The following CIB1 variants were observed in gnomAD, a reference collection of about 807,000 sequenced individuals.
The protein encoded by CIB1 is calcium and integrin-binding protein 1.
Under a neutral mutation model 25.0 loss-of-function variants are expected in CIB1, and 19 were observed. That is an observed-to-expected ratio of 0.76 (90% CI 0.53 to 1.12). The LOEUF is 1.12. CIB1 is among the 50% of genes most tolerant of loss of function. The pLI is 0.00. For missense variants in CIB1, 236 were observed against 242.6 expected (o/e 0.97, Z 0.18); for synonymous variants, 104 against 98.5 (o/e 1.06, Z -0.33).
At chr15:90,262,222 C>A in the CIB1 span, 1 of 1,494,330 alleles carries the variant, frequency 6.7e-7, no homozygotes, top group Non-Finnish European at 8.9e-7. Flanking sequence ...CTCTGCACAC[C>A]TAGGTGGGGA....
the CIB1 span, among the ~76,000 whole-genome samples, chr15:90,252,043 CTTT>C: frequency 7.5e-6 from 1 of 133,466 alleles, no homozygotes; most frequent in African/African-American, 2.7e-5. Context: ...TCACCTAATT[CTTT>C]TTTTTTTTTT....
At chr15:90,262,044 A>C in the CIB1 span, 24 of 1,535,854 alleles carry the variant, frequency 1.6e-5, no homozygotes, top group East Asian at 5.4e-4. Context: ...GCAATGCTGG[A>C]CCAGGAACGA....
chr15:90,259,846 G>GT, the CIB1 span, among the ~76,000 whole-genome samples: 16 of 152,186 alleles, frequency 1.1e-4, no homozygotes, highest in African/African-American at 3.9e-4. Flanking sequence ...TACAAACATG[G>GT]TAACTGGTCA....
chr15:90,251,163 G>C, the CIB1 span, among the ~76,000 whole-genome samples: 16 of 132,068 alleles, frequency 1.2e-4, no homozygotes, highest in Non-Finnish European at 2.3e-4. Context: ...GCCCAGGCTG[G>C]AGTACAGTGG....
At chr15:90,254,732 G>A in the CIB1 span, among the ~76,000 whole-genome samples, 6 of 152,022 alleles carry the variant, frequency 3.9e-5, no homozygotes, top group African/African-American at 1.5e-4. Context: ...TTTAGTCCCA[G>A]CCACTTGGGA....
the CIB1 span, chr15:90,257,583 G>T: frequency 6.5e-7 from 1 of 1,540,486 alleles, no homozygotes; most frequent in South Asian, 1.1e-5. Flanking sequence ...TGAAGGGCTG[G>T]AGAGGACGGC....
the CIB1 span, chr15:90,253,468 G>C: frequency 1.4e-6 from 1 of 737,556 alleles, no homozygotes; most frequent in Non-Finnish European, 2.2e-6. Flanking sequence ...CTTTGTGGCT[G>C]TCCCCTTGTG....
chr15:90,237,431 GC>G (rs1473467478), upstream of CIB1, among the ~76,000 whole-genome samples: 1 of 151,372 alleles, frequency 6.6e-6, no homozygotes, highest in African/African-American at 2.4e-5. Context: ...ACAGGTGTGT[GC>G]CCACCACCAC....
chr15:90,265,659 G>T, the CIB1 span: 3 of 1,603,512 alleles, frequency 1.9e-6, no homozygotes, highest in East Asian at 6.7e-5. Flanking sequence ...GGTCTTACCC[G>T]GCTACTTCCG....
chr15:90,264,870 A>G, the CIB1 span: 3 of 1,535,988 alleles, frequency 2.0e-6, no homozygotes, highest in Non-Finnish European at 2.6e-6. Flanking sequence ...TCCATGGTAA[A>G]CTCTGAACAC....
the CIB1 span, chr15:90,258,694 C>T: frequency 6.6e-7 from 1 of 1,523,152 alleles, no homozygotes; most frequent in Non-Finnish European, 9.1e-7. Context: ...GAGGCCACCA[C>T]CTGCTCAGGT....
At chr15:90,244,670 A>G in the CIB1 span, 79,710 of 151,646 alleles carry the variant, frequency 0.53, 22,440 homozygotes, top group African/African-American at 0.72. Flanking sequence ...TAAAAATACA[A>G]AAATTAGGCG....
the CIB1 span, chr15:90,265,709 C>G: frequency 1.5e-5 from 24 of 1,613,254 alleles, no homozygotes; most frequent in Non-Finnish European, 1.8e-5. Context: ...TGGTTTGCGT[C>G]GACATGGCGG....
chr15:90,241,534 G>T, the CIB1 span: 16 of 1,613,556 alleles, frequency 9.9e-6, no homozygotes, highest in Non-Finnish European at 1.4e-5. Flanking sequence ...AACAGCCTGG[G>T]AGGCTTGGCC....
At chr15:90,250,072 C>G in the CIB1 span, among the ~76,000 whole-genome samples, 2 of 151,888 alleles carry the variant, frequency 1.3e-5, no homozygotes, top group Admixed American at 1.3e-4. Context: ...ATTCTCCTCC[C>G]TCAGCCTCCC....
chr15:90,263,274 C>A, the CIB1 span: 2 of 832,760 alleles, frequency 2.4e-6, no homozygotes, highest in Non-Finnish European at 3.6e-6. Context: ...AAGCAGAGTG[C>A]GCTAGCTGGA....
chr15:90,256,574 TTTCTTTC>T, the CIB1 span, among the ~76,000 whole-genome samples: 2 of 41,118 alleles, frequency 4.9e-5, 1 homozygote, highest in African/African-American at 2.2e-4. Context: ...TCTTTCTTTC[TTTCTTTC>T]TTTCTTTCTT....
chr15:90,242,431 C>CTTTTTTTTTTTTTTTT, the CIB1 span: 5 of 65,510 alleles, frequency 7.6e-5, 1 homozygote, highest in Non-Finnish European at 1.5e-4. Context: ...TTTTCTGTTT[C>CTTTTTTTTTTTTTTTT]TTTTTTTTTT....
chr15:90,253,414 A>ATGAC, the CIB1 span: 1 of 1,444,334 alleles, frequency 6.9e-7, no homozygotes, highest in Non-Finnish European at 9.6e-7. Flanking sequence ...GGGCCCCAGA[A>ATGAC]TGACTATTCC....
Sources: gnomAD v4.1 joint callset for allele counts (sites outside exome capture counted in the v4.1 genomes callset) on GRCh38, gnomAD v4.1.1 for gene constraint, MANE v1.5 for transcripts, NCBI Gene and HGNC (gene_info 2026-07-23, HGNC 2026-07-21) for gene names.